RBM27: variants seen among roughly 807,000 people sequenced by gnomAD.
RBM27 encodes the protein RNA binding motif protein 27.
Under a neutral mutation model 135.3 loss-of-function variants are expected in RBM27, and 22 were observed. The observed-to-expected ratio is 0.16, with a 90% CI of 0.12 to 0.23. The LOEUF is 0.23. Among genes scored for constraint, RBM27 ranks in the 10% least tolerant of loss-of-function variants. RBM27 has a pLI of 1.00. For missense variants in RBM27, 1,009 were observed against 1,281.0 expected (o/e 0.79, Z 3.24); for synonymous variants, 481 against 442.4 (o/e 1.09, Z -1.10).
Position 146,237,433 on chromosome 5 carries a change from G to T in RBM27, c.1279+1G>T. ...AACCTCCTTTACACAGTATCAGAACGTAAGTACATGTTGTTTGACTTAAAA... is the reference window on the plus strand; with the variant it reads ...AACCTCCTTTACACAGTATCAGAACTTAAGTACATGTTGTTTGACTTAAAA... On this transcript the variant is annotated splice_donor_variant, in intron 8 of 20. Transcript: ENST00000265271. LOFTEE classifies it high-confidence loss of function. 6.2e-7 allele frequency: 1 copy of T among 1,613,722 alleles called. No individual in the cohort carries two copies. Among genetic ancestry groups the T allele is most frequent in the Non-Finnish European group, 8.5e-7 (1 of 1,179,698 alleles).
intron 3 of RBM27, among the ~76,000 whole-genome samples, chr5:146,228,534 G>A (rs532024381): frequency 2.6e-5 from 4 of 151,548 alleles, no homozygotes; most frequent in African/African-American, 7.3e-5. Context: ...TGCCCGCCCC[G>A]GCCACCCAAA....
At chr5:146,241,624 A>C (rs1369618977) in intron 8 of RBM27, among the ~76,000 whole-genome samples, 1 of 152,050 alleles carries the variant, frequency 6.6e-6, no homozygotes, top group Non-Finnish European at 1.5e-5. Context: ...AGGCCCACCT[A>C]ATTTTTGTAT....
intron 19 of RBM27, among the ~76,000 whole-genome samples, chr5:146,275,673 A>C (rs1463224780): frequency 2.6e-5 from 4 of 152,238 alleles, no homozygotes; most frequent in Non-Finnish European, 5.9e-5. Flanking sequence ...AAGTATTTAT[A>C]ATTAAAGTTT....
intron 1 of RBM27, among the ~76,000 whole-genome samples, chr5:146,213,479 C>T (rs989884629): frequency 1.3e-5 from 2 of 151,752 alleles, no homozygotes; most frequent in Admixed American, 6.6e-5. Flanking sequence ...CTCAGAAGCA[C>T]ATGTATTAGT....
intron 8 of RBM27, among the ~76,000 whole-genome samples, chr5:146,249,683 CAAAAAA>C (rs1209651197): frequency 1.1e-4 from 4 of 37,198 alleles, no homozygotes; most frequent in African/African-American, 3.8e-4. Context: ...GTGAGACTCT[CAAAAAA>C]AAAAAAAAAA....
chr5:146,239,194 C>CT (rs1296047012), intron 8 of RBM27, among the ~76,000 whole-genome samples: 1 of 152,132 alleles, frequency 6.6e-6, no homozygotes, highest in Non-Finnish European at 1.5e-5. Flanking sequence ...ATCAAAAATT[C>CT]TTTTTCTTTG....
chr5:146,272,948 G>C (rs942810416), intron 19 of RBM27, among the ~76,000 whole-genome samples: 3 of 152,132 alleles, frequency 2.0e-5, no homozygotes, highest in Non-Finnish European at 4.4e-5. Context: ...TTTTTGTAAA[G>C]TGGGAGAATA....
intron 8 of RBM27, among the ~76,000 whole-genome samples, chr5:146,242,426 A>G (rs1757443543): frequency 6.6e-6 from 1 of 152,248 alleles, no homozygotes; most frequent in African/African-American, 2.4e-5. Flanking sequence ...GTTATAGAAT[A>G]TTCATATTGA....
intron 11 of RBM27, among the ~76,000 whole-genome samples, chr5:146,259,675 T>C (rs1446434367): frequency 6.6e-6 from 1 of 151,170 alleles, no homozygotes; most frequent in Non-Finnish European, 1.5e-5. Flanking sequence ...TCTATTCTCA[T>C]GTAATAAGAA....
At chr5:146,204,660 T>G (rs1178811747) in intron 1 of RBM27, among the ~76,000 whole-genome samples, 2 of 152,064 alleles carry the variant, frequency 1.3e-5, no homozygotes, top group Non-Finnish European at 2.9e-5. Context: ...ACAGGTGGTG[T>G]TGGAGGAATA....
intron 12 of RBM27, 66 bp downstream of exon 12, chr5:146,260,964 C>A: frequency 1.4e-6 from 2 of 1,460,270 alleles, no homozygotes; most frequent in Non-Finnish European, 1.9e-6. Flanking sequence ...TTTCTATCAG[C>A]TCACCTTGTT....
At chr5:146,265,699 A>G (rs1184741106) in intron 14 of RBM27, among the ~76,000 whole-genome samples, 1 of 152,206 alleles carries the variant, frequency 6.6e-6, no homozygotes, top group Non-Finnish European at 1.5e-5. Context: ...ACAAAAAACA[A>G]TTTAAAGAAA....
At chr5:146,282,487 T>TG (rs1759405888) in intron 19 of RBM27, among the ~76,000 whole-genome samples, 1 of 152,208 alleles carries the variant, frequency 6.6e-6, no homozygotes, top group Admixed American at 6.5e-5. Context: ...TCAAAAATAT[T>TG]GGGAAAAAAA....
At chr5:146,262,332 C>T (rs1252820960) in intron 13 of RBM27, among the ~76,000 whole-genome samples, 1 of 152,164 alleles carries the variant, frequency 6.6e-6, no homozygotes, top group Non-Finnish European at 1.5e-5. Context: ...CATTTGCCCT[C>T]CTTTTTCCCA....
intron 8 of RBM27, among the ~76,000 whole-genome samples, chr5:146,242,720 AG>A (rs1015422515): frequency 2.0e-5 from 3 of 152,070 alleles, no homozygotes; most frequent in Non-Finnish European, 4.4e-5. Flanking sequence ...GAGCTTCCCC[AG>A]TAGCTGGGAT....
At position 146,226,028 on chromosome 5, in the gene RBM27, A is replaced by ATTT. The variant is rs11291937; in HGVS notation, c.303+2517_303+2519dup. Among the ~76,000 whole-genome samples, 59 of 130,966 alleles carry ATTT rather than the reference A, an allele frequency of 4.5e-4. 1 individual carries two copies. The highest frequency in any genetic ancestry group is 1.1e-3 in the East Asian group (5 of 4,506). 85.9% of individuals were successfully genotyped at this position (130,966 alleles called of 152,430 possible). ...TAGGCCCTGTCACCAAGCCTGCCTA[A>ATTT]TTTTTTTTTTTTTTTTTTCAGTAGA... is the stretch of plus-strand genomic sequence containing the variant. On this transcript the variant is annotated intron_variant, in intron 3 of 20. Coordinates refer to ENST00000265271, the MANE Select transcript of RBM27 (RefSeq NM_018989.2).
At chr5:146,224,708 A>C (rs1756593047) in intron 3 of RBM27, among the ~76,000 whole-genome samples, 1 of 151,938 alleles carries the variant, frequency 6.6e-6, no homozygotes, top group Non-Finnish European at 1.5e-5. Flanking sequence ...AATTACGAGA[A>C]TAATACCCAA....
At chr5:146,284,127 A>C (rs1759484339) in intron 19 of RBM27, among the ~76,000 whole-genome samples, 1 of 152,220 alleles carries the variant, frequency 6.6e-6, no homozygotes, top group Admixed American at 6.5e-5. Flanking sequence ...TGCATAGATG[A>C]GCTGGGAGGT....
Position 146,228,907 on chromosome 5 carries a change from C to T in RBM27, c.304-39C>T, listed in dbSNP as rs764618084. 3.3e-5 allele frequency: 52 copies of T among 1,564,392 alleles called. 3 individuals carry two copies. The South Asian group carries it at 5.6e-4, about 17-fold the overall frequency. On this transcript the variant is annotated intron_variant, in intron 3 of 20. Coordinates refer to ENST00000265271, the MANE Select transcript of RBM27 (RefSeq NM_018989.2). The stretch of plus-strand genomic sequence containing the variant: ...GGATTACAGGTGTGAGCCACCGTGC[C>T]TGGCCCTGCTCTTACTTCTACTCAA...
Sources: gnomAD v4.1 joint callset for allele counts (sites outside exome capture counted in the v4.1 genomes callset) on GRCh38, gnomAD v4.1.1 for gene constraint, MANE v1.5 for transcripts, NCBI Gene and HGNC (gene_info 2026-07-23, HGNC 2026-07-21) for gene names.